PAQR6: variants seen among roughly 807,000 people sequenced by gnomAD.
PAQR6 encodes progestin and adipoQ receptor family member 6, also known as membrane progestin receptor delta.
Under a neutral mutation model 36.2 loss-of-function variants are expected in PAQR6, and 34 were observed. The ratio of observed to expected loss-of-function variants is 0.94; its 90% confidence interval spans 0.71 to 1.25. The LOEUF is 1.25. Among genes scored for constraint, PAQR6 ranks in the 50% most tolerant of loss-of-function variants. PAQR6 has a pLI of 0.00. For synonymous variants in PAQR6, 190 were observed against 190.7 expected, an observed-to-expected ratio of 1.00 and a Z score of 0.03; for missense variants, 431 against 445.7, an observed-to-expected ratio of 0.97 and a Z score of 0.30.
rs1271376336 is a variant in PAQR6, at chr1:156,243,964, AG to A, written c.*164del. ...CCTCTCACACTCTGCCAGTCCCCCT[AG>A]ACACCCCTCCTCTTCTCTGCCCTCT... On this transcript the variant is annotated 3_prime_UTR_variant, in exon 8 of 8. Transcript: ENST00000292291. The A allele has an allele frequency of 6.2e-7, 1 of 1,613,946 alleles. No individual in the cohort carries two copies. Among genetic ancestry groups the A allele is most frequent in the African/African-American group, 1.3e-5 (1 of 74,976 alleles).
chr1:156,245,313 G>C, intron 5 of PAQR6, 75 bp from the exon 6 acceptor site: 1 of 1,452,662 alleles, frequency 6.9e-7, no homozygotes, highest in Non-Finnish European at 9.6e-7. Flanking sequence ...AAGAGGACTT[G>C]GGCAAAGATG....
chr1:156,245,820 TAGC>T lies in PAQR6; in HGVS notation c.344_346del (p.Cys115del). 1 of 1,606,218 alleles carries T rather than the reference TAGC, an allele frequency of 6.2e-7. No homozygotes were observed. Among genetic ancestry groups the T allele is most frequent in the Non-Finnish European group, 8.5e-7 (1 of 1,176,912 alleles). On this transcript the variant is annotated inframe_deletion, in exon 4 of 8. Transcript: ENST00000292291. ...GCTGAGCGCGCCGTAGTCGAGGAAG[TAGC>T]AGATGTGGCGCATGCGGGGCGACAT...
At chr1:156,247,426 T>A (rs1174143947) in intron 1 of PAQR6, 1 of 152,670 alleles carries the variant, frequency 6.6e-6, no homozygotes, top group Admixed American at 6.5e-5. Context: ...GTGGAGGGGC[T>A]GGGCCAGCTG....
chr1:156,245,393 T>C, intron 5 of PAQR6, 142 bp downstream of exon 5: 1 of 1,390,142 alleles, frequency 7.2e-7, no homozygotes, highest in Non-Finnish European at 1.0e-6. Flanking sequence ...GGACCACATC[T>C]GTATGTGGGG....
rs555819330 is a variant in PAQR6 at position 156,245,657 on chromosome 1, G to A, written c.390C>T (p.Cys130=). 4 of 1,612,458 alleles carry A rather than the reference G, an allele frequency of 2.5e-6. No homozygotes were observed. Among genetic ancestry groups the A allele is most frequent in the East Asian group, 4.5e-5 (2 of 44,842 alleles). Residue 130 remains cysteine (C), a synonymous_variant, in exon 5 of 8, where the codon TGC becomes TGT. Coordinates refer to ENST00000292291, the MANE Select transcript of PAQR6 (RefSeq NM_198406.3). ...TGGAGTAGGCGGCATAGGGGAAGGC[G>A]CAGCCTGCGGTGAGGTGGGGGCGTG... is the stretch of plus-strand genomic sequence containing the variant. ...YGALSLYSLG[C]AFPYAAYSMP... is the part of the protein sequence containing the mutation.
At chr1:156,245,504 C>T (rs751503442) in intron 5 of PAQR6, 31 bp downstream of exon 5, 11 of 1,610,682 alleles carry the variant, frequency 6.8e-6, no homozygotes, top group Non-Finnish European at 9.3e-6. Flanking sequence ...TCCGCCTTCC[C>T]CGTCCCCACT....
In PAQR6 at chr1:156,243,618, A is replaced by G; in HGVS notation, c.*511T>C. 1.8e-6 allele frequency: 1 copy of G among 562,698 alleles called. No homozygotes were observed. The highest frequency in any genetic ancestry group is 3.1e-6 in the Non-Finnish European group (1 of 323,096). The allele number at this position is 562,698 out of a possible 1,614,324, so 34.9% of individuals were successfully genotyped here. A position where few individuals can be genotyped will look rare whatever the true frequency, so the allele number is the denominator to read the frequency against. On this transcript the variant is annotated 3_prime_UTR_variant, in exon 8 of 8. Coordinates refer to ENST00000292291, the MANE Select transcript of PAQR6 (RefSeq NM_198406.3). ...CCTTGAGCACACAGTTATGACCAGG[A>G]CAGACTCATCTCTATAGGCAAATAG...
At chr1:156,246,100 C>T (rs773736716) in intron 3 of PAQR6, 23 bp downstream of exon 3, 129 of 1,609,116 alleles carry the variant, frequency 8.0e-5, no homozygotes, top group Non-Finnish European at 1.0e-4. Flanking sequence ...AAGGCCGCGG[C>T]CTGGGGCGGA....
At chr1:156,246,844 G>T (rs939833454) in intron 1 of PAQR6, 88 bp from the exon 2 acceptor site, 4 of 1,166,014 alleles carry the variant, frequency 3.4e-6, no homozygotes, top group Non-Finnish European at 4.9e-6. Flanking sequence ...GATGGGCTGT[G>T]CGTGTGGGAG....
In PAQR6 at chr1:156,243,824, TC is replaced by T; in HGVS notation, c.*304del. 6.5e-6 allele frequency: 10 copies of T among 1,536,202 alleles called. No individual in the cohort carries two copies. The highest frequency in any genetic ancestry group is 6.1e-6 in the Non-Finnish European group (7 of 1,140,028). On this transcript the variant is annotated 3_prime_UTR_variant, in exon 8 of 8. Coordinates refer to ENST00000292291, the MANE Select transcript of PAQR6 (RefSeq NM_198406.3). ...AGCCAGATGAAAGGACCCCAACACC[TC>T]CCCCCGCCAACCTTTGACAGAATAT...
intron 7 of PAQR6, 157 bp from the exon 8 acceptor site, chr1:156,244,560 C>T (rs1162048401): frequency 7.2e-7 from 1 of 1,383,908 alleles, no homozygotes. Flanking sequence ...GGCCCCAGCA[C>T]ACATGCTACT....
At chr1:156,246,372 T>A in intron 2 of PAQR6, 122 bp from the exon 3 acceptor site, 1 of 926,454 alleles carries the variant, frequency 1.1e-6, no homozygotes, top group Non-Finnish European at 1.6e-6. Flanking sequence ...CAAGCCAAAC[T>A]AAATCTGATC....
Position 156,243,827 on chromosome 1 carries a change from C to G in PAQR6, c.*302G>C. 1.3e-6 allele frequency: 2 copies of G among 1,540,506 alleles called. No homozygotes were observed. Among genetic ancestry groups the G allele is most frequent in the Non-Finnish European group, 1.8e-6 (2 of 1,141,632 alleles). On this transcript the variant is annotated 3_prime_UTR_variant, in exon 8 of 8. Coordinates refer to ENST00000292291, the MANE Select transcript of PAQR6 (RefSeq NM_198406.3). Reference sequence around the variant, plus strand: ...CAGATGAAAGGACCCCAACACCTCCCCCCGCCAACCTTTGACAGAATATAG... The same window carrying G: ...CAGATGAAAGGACCCCAACACCTCCGCCCGCCAACCTTTGACAGAATATAG...
rs1659715131 is a variant in PAQR6 at position 156,243,880 on chromosome 1, A to G, written c.*249T>C. ...GCATCTTCAGCCTGGACACGCATGC[A>G]TCTCCCCTCTCAGACCCTCAGCACT... On this transcript the variant is annotated 3_prime_UTR_variant, in exon 8 of 8. Coordinates refer to ENST00000292291, the MANE Select transcript of PAQR6 (RefSeq NM_198406.3). 27 of 1,604,592 alleles carry G rather than the reference A, an allele frequency of 1.7e-5. No individual in the cohort carries two copies. Among genetic ancestry groups the G allele is most frequent in the Non-Finnish European group, 2.3e-5 (27 of 1,173,052 alleles).
chr1:156,243,511 C>T lies in PAQR6; in HGVS notation c.*618G>A, dbSNP rs1572521427. 2.1e-6 allele frequency: 1 copy of T among 476,606 alleles called. No homozygotes were observed. Among genetic ancestry groups the T allele is most frequent in the East Asian group, 3.5e-5 (1 of 28,828 alleles). The allele number at this position is 476,606 out of a possible 1,614,324, so 29.5% of individuals were successfully genotyped here. ...GTCTAACTAGGGATACCCCCTCTAG[C>T]CTAGGACCCTCCTCCCCACACCTCA... On this transcript the variant is annotated 3_prime_UTR_variant, in exon 8 of 8. Coordinates refer to ENST00000292291, the MANE Select transcript of PAQR6 (RefSeq NM_198406.3).
chr1:156,248,026 C>CTGCT lies in PAQR6; in HGVS notation c.-99_-96dup. The CTGCT allele has an allele frequency of 2.2e-6, 1 of 463,832 alleles. No individual in the cohort carries two copies. The allele number at this position is 463,832 out of a possible 1,614,324, so 28.7% of individuals were successfully genotyped here. A position where few individuals can be genotyped will look rare whatever the true frequency, so the allele number is the denominator to read the frequency against. On this transcript the variant is annotated 5_prime_UTR_variant, in exon 1 of 8. Transcript: ENST00000292291. ...AGGGCTCCACGGGCGGAGTCCAAGGCTGCTGCCAGCCAGGCTGATGGAGGA... is the reference window on the plus strand; with the variant it reads ...AGGGCTCCACGGGCGGAGTCCAAGGCTGCTTGCTGCCAGCCAGGCTGATGGAGGA...
rs1660929789 is a variant in PAQR6, at chr1:156,247,975, TC to T, written c.-45del. On this transcript the variant is annotated 5_prime_UTR_variant, in exon 1 of 8. Coordinates refer to ENST00000292291, the MANE Select transcript of PAQR6 (RefSeq NM_198406.3). Reference sequence around the variant, plus strand: ...TCCTTACCCAGAGCTTGGTGGGTGCTCCTAAGCTGGTGGGTCAACAGGCCCA... The same window carrying T: ...TCCTTACCCAGAGCTTGGTGGGTGCTCTAAGCTGGTGGGTCAACAGGCCCA... The T allele has an allele frequency of 2.2e-6, 1 of 462,856 alleles. No homozygotes were observed. Among genetic ancestry groups the T allele is most frequent in the Non-Finnish European group, 4.5e-6 (1 of 223,158 alleles). 28.7% of individuals were successfully genotyped at this position (462,856 alleles called of 1,614,324 possible). A position where few individuals can be genotyped will look rare whatever the true frequency, so the allele number is the denominator to read the frequency against.
intron 1 of PAQR6, 97 bp downstream of exon 1, chr1:156,247,860 G>C: frequency 2.7e-6 from 1 of 372,776 alleles, no homozygotes; most frequent in Non-Finnish European, 5.7e-6. Context: ...CTGGAGTGGA[G>C]TGTGTGCAGT....
chr1:156,244,769 T>G lies in PAQR6; in HGVS notation c.752A>C (p.Asp251Ala). 6.2e-7 allele frequency: 1 copy of G among 1,613,762 alleles called. No individual in the cohort carries two copies. Among genetic ancestry groups the G allele is most frequent in the Non-Finnish European group, 8.5e-7 (1 of 1,180,024 alleles). Residue 251 changes from aspartate to alanine, a missense_variant, in exon 7 of 8, where the codon GAT becomes GCT. Asp to Ala is a moderately radical substitution (Grantham distance 126). Transcript: ENST00000292291. ...GCCAGGCGTGCCCTCACCGATGTAA[T>G]CAAAGCGTCCTGGTGCCAGCCTTTC... is the stretch of plus-strand genomic sequence containing the variant. The part of the protein sequence containing the change: ...LPERLAPGRF[D>A]YIGHSHQLFH...
Sources: gnomAD v4.1 joint callset for allele counts on GRCh38, gnomAD v4.1.1 for gene constraint, MANE v1.5 for transcripts, NCBI Gene and HGNC (gene_info 2026-07-23, HGNC 2026-07-21) for gene names.